SCFD2: variants seen among roughly 807,000 people sequenced by gnomAD.
The protein encoded by SCFD2 is sec1 family domain containing 2.
Under a neutral mutation model 58.9 loss-of-function variants are expected in SCFD2, and 54 were observed. The observed-to-expected ratio is 0.92, with a 90% CI of 0.74 to 1.15. SCFD2 has a LOEUF of 1.15. Among genes scored for constraint, SCFD2 ranks in the 50% most tolerant of loss-of-function variants. The pLI is 0.00. For missense variants in SCFD2, 805 were observed against 836.6 expected (o/e 0.96, Z 0.47); for synonymous variants, 321 against 335.9 (o/e 0.96, Z 0.49).
intron 8 of SCFD2, among the ~76,000 whole-genome samples, chr4:52,885,441 G>T (rs1326642446): frequency 6.6e-6 from 1 of 152,166 alleles, no homozygotes; most frequent in African/African-American, 2.4e-5. Flanking sequence ...ATTTTGCAAA[G>T]AACAGAGTTT....
intron 8 of SCFD2, among the ~76,000 whole-genome samples, chr4:52,877,712 C>T (rs1718511526): frequency 6.6e-6 from 1 of 152,234 alleles, no homozygotes; most frequent in South Asian, 2.1e-4. Context: ...CATCCTTCCA[C>T]CCAGCTCACA....
chr4:53,343,162 AATCCAGG>A (rs1234537672), intron 2 of SCFD2, among the ~76,000 whole-genome samples: 5 of 152,194 alleles, frequency 3.3e-5, no homozygotes, highest in Non-Finnish European at 7.3e-5. Context: ...AAAATCAACG[AATCCAGG>A]AGCTGGTTTT....
chr4:53,105,935 C>T (rs1195087224), intron 5 of SCFD2, among the ~76,000 whole-genome samples: 1 of 150,454 alleles, frequency 6.6e-6, no homozygotes, highest in Non-Finnish European at 1.5e-5. Context: ...AGACACCTCA[C>T]ACAGGAGAGC....
chr4:53,134,074 T>C (rs932664050), intron 5 of SCFD2, among the ~76,000 whole-genome samples: 3 of 152,208 alleles, frequency 2.0e-5, no homozygotes, highest in Non-Finnish European at 2.9e-5. Flanking sequence ...AAGTGAAATA[T>C]GCCAGTTACA....
chr4:53,281,108 G>A (rs1450819312), intron 3 of SCFD2, among the ~76,000 whole-genome samples: 3 of 152,254 alleles, frequency 2.0e-5, no homozygotes, highest in South Asian at 2.1e-4. Context: ...ATTGCATTTT[G>A]CTTTTGACTT....
chr4:52,991,957 C>T (rs1466181751), intron 5 of SCFD2, among the ~76,000 whole-genome samples: 2 of 152,134 alleles, frequency 1.3e-5, no homozygotes, highest in South Asian at 2.1e-4. Flanking sequence ...AAAATGTGTG[C>T]GTATATTTTT....
At chr4:52,924,550 T>C (rs1188958304) in intron 5 of SCFD2, among the ~76,000 whole-genome samples, 2 of 152,208 alleles carry the variant, frequency 1.3e-5, no homozygotes, top group Non-Finnish European at 2.9e-5. Flanking sequence ...ATCCAAACCA[T>C]TAACCCTCTC....
At chr4:52,932,175 A>T (rs1577837055) in intron 5 of SCFD2, among the ~76,000 whole-genome samples, 1 of 152,254 alleles carries the variant, frequency 6.6e-6, no homozygotes, top group Non-Finnish European at 1.5e-5. Flanking sequence ...TTTATTTTAG[A>T]AATGCCAATA....
chr4:53,084,884 C>T (rs962865892), intron 5 of SCFD2, among the ~76,000 whole-genome samples: 9 of 152,294 alleles, frequency 5.9e-5, no homozygotes, highest in Middle Eastern at 3.4e-3. Flanking sequence ...AAGGAACATA[C>T]GTTGACACAA....
intron 2 of SCFD2, among the ~76,000 whole-genome samples, chr4:53,325,452 T>C (rs1391371091): frequency 6.6e-6 from 1 of 151,782 alleles, no homozygotes; most frequent in African/African-American, 2.4e-5. Flanking sequence ...GAGTAAAAAA[T>C]AGAAGAAAAG....
chr4:52,881,565 A>G (rs1348347724), intron 8 of SCFD2, among the ~76,000 whole-genome samples: 3 of 152,228 alleles, frequency 2.0e-5, no homozygotes, highest in Non-Finnish European at 2.9e-5. Flanking sequence ...TGCTTTTTAG[A>G]TAGTCAATAA....
intron 3 of SCFD2, among the ~76,000 whole-genome samples, chr4:53,294,101 CAT>C (rs1228407813): frequency 6.6e-6 from 1 of 152,170 alleles, no homozygotes; most frequent in Non-Finnish European, 1.5e-5. Context: ...CCACAATAAA[CAT>C]ATGTGTGCAT....
At chr4:53,133,529 T>C (rs1194490401) in intron 5 of SCFD2, among the ~76,000 whole-genome samples, 1 of 152,176 alleles carries the variant, frequency 6.6e-6, no homozygotes, top group Non-Finnish European at 1.5e-5. Flanking sequence ...AATTAAGTGG[T>C]AGCCATGAAG....
chr4:53,193,912 C>A (rs1466737683), intron 4 of SCFD2, among the ~76,000 whole-genome samples: 1 of 152,186 alleles, frequency 6.6e-6, no homozygotes, highest in Non-Finnish European at 1.5e-5. Context: ...TCTGCGCCTA[C>A]TTCTCAGAGA....
At chr4:53,152,898 A>G (rs1167206949) in intron 4 of SCFD2, among the ~76,000 whole-genome samples, 1 of 152,210 alleles carries the variant, frequency 6.6e-6, no homozygotes, top group Non-Finnish European at 1.5e-5. Context: ...ATTAAACCTT[A>G]ATGCTCCAAA....
chr4:53,226,234 A>C (rs926931962), intron 4 of SCFD2, among the ~76,000 whole-genome samples: 1 of 152,204 alleles, frequency 6.6e-6, no homozygotes, highest in Non-Finnish European at 1.5e-5. Context: ...TAAAAAAGTC[A>C]CTAAAATACT....
chr4:52,891,325 G>C lies in SCFD2; in HGVS notation c.1843-5459C>G, dbSNP rs995323701. Among the ~76,000 whole-genome samples the C allele has an allele frequency of 2.6e-5, 4 of 152,198 alleles. No individual in the cohort carries two copies. The East Asian group carries it at 7.7e-4, about 29-fold the overall frequency. ...CAGAGCTTATGTTTTAGTGGAGGGA[G>C]AGTGACAGTCAATAAAATCAGTAAG... is the stretch of plus-strand genomic sequence containing the variant. On this transcript the variant is annotated intron_variant, in intron 7 of 8. Transcript: ENST00000401642.
chr4:52,907,526 G>C lies in SCFD2; in HGVS notation c.1773C>G (p.Ser591=). 6.2e-7 allele frequency: 1 copy of C among 1,613,908 alleles called. No homozygotes were observed. Among genetic ancestry groups the C allele is most frequent in the Non-Finnish European group, 8.5e-7 (1 of 1,179,864 alleles). The change falls in exon 7 of 9, where the codon TCC becomes TCG. Residue 591 remains serine (S), a synonymous_variant. Coordinates refer to ENST00000401642, the MANE Select transcript of SCFD2 (RefSeq NM_152540.4). ...EEIFHPERPD[S]VDIEHMSSGL... Reference sequence around the variant, plus strand: ...CTGAAGACATGTGTTCAATATCAACGGAATCTGGCCTCTCGGGATGAAATA... The same window carrying C: ...CTGAAGACATGTGTTCAATATCAACCGAATCTGGCCTCTCGGGATGAAATA...
intron 4 of SCFD2, among the ~76,000 whole-genome samples, chr4:53,154,317 T>C (rs995205198): frequency 1.3e-5 from 2 of 152,140 alleles, no homozygotes; most frequent in African/African-American, 4.8e-5. Context: ...TTTACAATCA[T>C]GGTAGAAGGC....
Sources: allele counts gnomAD v4.1 joint callset (sites outside exome capture counted in the v4.1 genomes callset), GRCh38; gene constraint gnomAD v4.1.1; transcripts MANE v1.5; gene names NCBI Gene and HGNC (gene_info 2026-07-23, HGNC 2026-07-21).